The following ABR variants were observed in gnomAD, a reference collection of about 807,000 sequenced individuals.
ABR encodes the protein ABR activator of RhoGEF and GTPase.
ABR carries 35 observed loss-of-function variants against 107.2 expected under a neutral mutation model. The observed-to-expected ratio is 0.33, with a 90% CI of 0.25 to 0.43. ABR has a LOEUF of 0.43. ABR is among the 20% of genes least tolerant of loss of function. The pLI is 1.00. For missense variants in ABR, 815 were observed against 1,115.2 expected, an observed-to-expected ratio of 0.73 and a Z score of 3.83; for synonymous variants, 498 against 462.0, an observed-to-expected ratio of 1.08 and a Z score of -1.00.
intron 1 of ABR, among the ~76,000 whole-genome samples, chr17:1,197,563 A>G (rs1294012696): frequency 1.3e-5 from 2 of 151,506 alleles, no homozygotes; most frequent in African/African-American, 4.9e-5. Flanking sequence ...AAACCCCTGC[A>G]TGAGTTATTT....
chr17:1,199,110 C>A lies in ABR; in HGVS notation c.838+29683G>T, dbSNP rs146005891. 5.2e-3 allele frequency among the ~76,000 whole-genome samples: 770 copies of A among 149,186 alleles called. 38 individuals carry two copies. Among genetic ancestry groups the A allele is most frequent in the African/African-American group, 0.017 (691 of 39,966 alleles). On this transcript the variant is annotated intron_variant, in intron 1 of 22. Transcript: ENST00000574139. ...GGACGAGGCCCTATCTCCTCCCAGACCTTCATTCCTCTGAGGGGGCCGGGG... is the reference window on the plus strand; with the variant it reads ...GGACGAGGCCCTATCTCCTCCCAGAACTTCATTCCTCTGAGGGGGCCGGGG...
At position 1,012,809 on chromosome 17, in the gene ABR, G is replaced by A. The variant is rs751708309; in HGVS notation, c.1852-12C>T. ...AATTCCACTTTGATCTGGTTGGGGG[G>A]TGAGGCAGGTAAAGATTCCCCAGGG... On this transcript the variant is annotated splice_polypyrimidine_tract_variant and intron_variant, in intron 17 of 22. Coordinates refer to ENST00000302538, the MANE Select transcript of ABR (RefSeq NM_021962.5). The A allele has an allele frequency of 1.3e-6, 2 of 1,560,268 alleles. No individual in the cohort carries two copies. Among genetic ancestry groups the A allele is most frequent in the Admixed American group, 1.9e-5 (1 of 52,768 alleles).
chr17:1,143,589 C>A (rs112321324), intron 1 of ABR, among the ~76,000 whole-genome samples: 2 of 152,086 alleles, frequency 1.3e-5, no homozygotes, highest in African/African-American at 4.8e-5. Context: ...TCCGGCTCTG[C>A]CTCCACTGCT....
chr17:1,152,873 C>G (rs1268987916), intron 1 of ABR, among the ~76,000 whole-genome samples: 1 of 152,058 alleles, frequency 6.6e-6, no homozygotes, highest in East Asian at 1.9e-4. Context: ...GTGGGTGGAT[C>G]ACATGAGGTC....
At chr17:1,031,895 CG>C (rs1242911126) in intron 16 of ABR, 5 of 1,138,476 alleles carry the variant, frequency 4.4e-6, no homozygotes, top group Non-Finnish European at 5.5e-6. Flanking sequence ...TCCCTCCCTC[CG>C]TCCGCGTCCC....
intron 2 of ABR, among the ~76,000 whole-genome samples, chr17:1,113,638 C>T (rs2038843136): frequency 6.6e-6 from 1 of 152,188 alleles, no homozygotes. Context: ...CAGGGAGCCT[C>T]CCGTGACTCC....
intron 4 of ABR, among the ~76,000 whole-genome samples, chr17:1,087,713 G>A (rs1182639250): frequency 3.3e-5 from 5 of 152,072 alleles, no homozygotes; most frequent in Non-Finnish European, 7.4e-5. Flanking sequence ...TCAGATCACC[G>A]ATATTCTTCC....
Position 1,130,373 on chromosome 17 carries a change from C to T in ABR, c.62-5006G>A, listed in dbSNP as rs572192715. Among the ~76,000 whole-genome samples the T allele has an allele frequency of 2.0e-5, 3 of 152,088 alleles. No individual in the cohort carries two copies. In the South Asian group the frequency reaches 6.2e-4, roughly 32 times the overall value. ...CTCATCTCCTGCACTGTGAGGCATC[C>T]CCGCTCCTCCCCACCCTCACCAACT... On this transcript the variant is annotated intron_variant, in intron 1 of 22. Transcript: ENST00000302538.
intron 13 of ABR, 52 bp from the exon 14 acceptor site, chr17:1,056,161 G>A: frequency 6.5e-7 from 1 of 1,529,562 alleles, no homozygotes; most frequent in Non-Finnish European, 9.1e-7. Context: ...GATCCCCTCA[G>A]CCTCCACCCC....
chr17:1,008,981 A>G (rs2070292741), intron 21 of ABR, among the ~76,000 whole-genome samples: 1 of 152,186 alleles, frequency 6.6e-6, no homozygotes, highest in South Asian at 2.1e-4. Flanking sequence ...AACCCAAGCA[A>G]GTCTCCGCCT....
Position 1,179,569 on chromosome 17 carries a change from C to T in ABR, c.61+98G>A, listed in dbSNP as rs1427982822. 1.9e-5 allele frequency: 24 copies of T among 1,288,932 alleles called. No homozygotes were observed. The highest frequency in any genetic ancestry group is 9.7e-5 in the Admixed American group (3 of 31,030). 79.8% of individuals were successfully genotyped at this position (1,288,932 alleles called of 1,614,324 possible). The stretch of plus-strand genomic sequence containing the variant: ...ACCAGCCCGGTGCCTGGGTCCCGAT[C>T]CCGATCTTGGGGTCCCGATCCCGAT... On this transcript the variant is annotated intron_variant, in intron 1 of 22. Transcript: ENST00000302538. The surrounding 1 kb of genome is among the most constrained non-coding windows in gnomAD (Gnocchi z 4.9).
At position 1,051,304 on chromosome 17, in the gene ABR, G is replaced by A. The variant is rs1179696396; in HGVS notation, c.1562-670C>T. On this transcript the variant is annotated intron_variant, in intron 14 of 22. Coordinates refer to ENST00000302538, the MANE Select transcript of ABR (RefSeq NM_021962.5). The surrounding 1 kb of genome is among the most constrained non-coding windows in gnomAD (Gnocchi z 4.3). Reference sequence around the variant, plus strand: ...AAACACCATGTGGAGAGAAGCCTGGGTTTTCCTGCCTGCCGGTGTACCCGC... The same window carrying A: ...AAACACCATGTGGAGAGAAGCCTGGATTTTCCTGCCTGCCGGTGTACCCGC... 6.6e-6 allele frequency among the ~76,000 whole-genome samples: 1 copy of A among 152,180 alleles called. No homozygotes were observed. The highest frequency in any genetic ancestry group is 1.5e-5 in the Non-Finnish European group (1 of 68,030).
chr17:1,159,640 T>TAAGA (rs1567841670), intron 1 of ABR, among the ~76,000 whole-genome samples: 10 of 114,704 alleles, frequency 8.7e-5, no homozygotes, highest in Admixed American at 2.5e-4. Context: ...ACAAGGGAAG[T>TAAGA]ATGCGGTACT....
At chr17:1,192,461 G>A (rs750302184) in intron 1 of ABR, among the ~76,000 whole-genome samples, 1 of 152,116 alleles carries the variant, frequency 6.6e-6, no homozygotes, top group East Asian at 1.9e-4. Flanking sequence ...ACTTCAAACT[G>A]AGCTGATGAC....
intron 1 of ABR, chr17:1,125,574 G>A (rs987153138): frequency 5.2e-6 from 2 of 387,794 alleles, no homozygotes; most frequent in South Asian, 8.7e-5. Flanking sequence ...CCGCTCCGGG[G>A]CTGCTGGGAG....
At position 1,091,755 on chromosome 17, in the gene ABR, A is replaced by G; in HGVS notation, c.441T>C (p.Tyr147=). Residue 147 remains tyrosine, a synonymous_variant, in exon 4 of 23, where the codon TAT becomes TAC. Coordinates refer to ENST00000302538, the MANE Select transcript of ABR (RefSeq NM_021962.5). ...ETIFYKIQDI[Y]EIHKEFYDNL... is the part of the protein sequence containing the mutation. The stretch of plus-strand genomic sequence containing the variant: ...TGTCATAGAACTCCTTGTGGATCTC[A>G]TAGATGTCCTGGATCTTGTAGAAGA... The G allele has an allele frequency of 6.3e-7, 1 of 1,593,868 alleles. No individual in the cohort carries two copies. Among genetic ancestry groups the G allele is most frequent in the African/African-American group, 1.3e-5 (1 of 74,506 alleles).
intron 4 of ABR, among the ~76,000 whole-genome samples, chr17:1,088,087 T>TC (rs1305264189): frequency 6.6e-6 from 1 of 151,340 alleles, no homozygotes; most frequent in African/African-American, 2.4e-5. Flanking sequence ...CTGACCCGGC[T>TC]CCCCCCGGGC....
At chr17:1,014,347 A>G (rs1332972393) in intron 16 of ABR, among the ~76,000 whole-genome samples, 3 of 132,206 alleles carry the variant, frequency 2.3e-5, no homozygotes, top group East Asian at 2.5e-4. Context: ...AGGCTGAGGC[A>G]GGAGAATAGC....
intron 1 of ABR, among the ~76,000 whole-genome samples, chr17:1,193,240 C>T (rs891984420): frequency 6.6e-6 from 1 of 152,056 alleles, no homozygotes; most frequent in Admixed American, 6.6e-5. Flanking sequence ...TTCTTAGATC[C>T]ACCTTATAGA....
Sources: gnomAD v4.1 joint callset for allele counts (sites outside exome capture counted in the v4.1 genomes callset) on GRCh38, gnomAD v4.1.1 for gene constraint, Gnocchi (gnomAD v3.1) non-coding constraint, MANE v1.5 for transcripts, NCBI Gene and HGNC (gene_info 2026-07-23, HGNC 2026-07-21) for gene names.